Variants in PDE4D observed in about 807,000 individuals in gnomAD.
PDE4D encodes phosphodiesterase 4D.
PDE4D carries 24 observed loss-of-function variants against 87.4 expected under a neutral mutation model. That is an observed-to-expected ratio of 0.27 (90% CI 0.20 to 0.39). PDE4D has a LOEUF of 0.39. PDE4D is among the 10% of genes least tolerant of loss of function. The probability of loss-of-function intolerance (pLI) is 1.00; values close to 1 mark genes in which losing one functional copy is unlikely to be tolerated. For missense variants in PDE4D, 714 were observed against 1,041.0 expected, an observed-to-expected ratio of 0.69 and a Z score of 4.32; for synonymous variants, 384 against 383.2, an observed-to-expected ratio of 1.00 and a Z score of -0.02.
intron 1 of PDE4D, among the ~76,000 whole-genome samples, chr5:60,456,056 T>C (rs566636318): frequency 2.0e-5 from 3 of 152,202 alleles, no homozygotes; most frequent in South Asian, 4.1e-4. Context: ...CCCAAACATC[T>C]AAGATTCATG....
intron 5 of PDE4D, among the ~76,000 whole-genome samples, chr5:59,053,901 G>A (rs1580542873): frequency 6.6e-6 from 1 of 151,760 alleles, no homozygotes; most frequent in African/African-American, 2.4e-5. Context: ...CAGGGACAGA[G>A]TGAGATTCTG....
intron 1 of PDE4D, among the ~76,000 whole-genome samples, chr5:59,431,026 C>T (rs114672209): frequency 2.6e-4 from 39 of 152,130 alleles, no homozygotes; most frequent in African/African-American, 9.1e-4. Flanking sequence ...CATGATAGAA[C>T]TGAACTTAGC....
At chr5:60,478,432 C>T (rs566168351) in intron 1 of PDE4D, among the ~76,000 whole-genome samples, 1 of 152,116 alleles carries the variant, frequency 6.6e-6, no homozygotes, top group Non-Finnish European at 1.5e-5. Context: ...AGTAATTCTC[C>T]TCTAGCCTCA....
intron 1 of PDE4D, among the ~76,000 whole-genome samples, chr5:60,233,562 C>T (rs1022819948): frequency 3.5e-5 from 5 of 144,294 alleles, no homozygotes; most frequent in African/African-American, 1.3e-4. Flanking sequence ...CTAACATTTC[C>T]TTTTTTTTTT....
intron 5 of PDE4D, among the ~76,000 whole-genome samples, chr5:59,128,327 G>A (rs1026070375): frequency 6.6e-6 from 1 of 151,992 alleles, no homozygotes; most frequent in African/African-American, 2.4e-5. Context: ...AATAATCATA[G>A]CTGAATAATA....
intron 2 of PDE4D, among the ~76,000 whole-genome samples, chr5:60,104,225 G>A (rs1257225832): frequency 6.6e-6 from 1 of 152,246 alleles, no homozygotes; most frequent in Non-Finnish European, 1.5e-5. Flanking sequence ...ACATGGCTTG[G>A]AGGGTCCTAC....
chr5:60,235,633 C>T (rs1387516072), intron 1 of PDE4D, among the ~76,000 whole-genome samples: 3 of 151,678 alleles, frequency 2.0e-5, no homozygotes, highest in Admixed American at 6.6e-5. Context: ...TAGTTCAGCC[C>T]TCTCAGTTCA....
intron 2 of PDE4D, among the ~76,000 whole-genome samples, chr5:60,001,347 A>C (rs1763994516): frequency 6.6e-6 from 1 of 152,230 alleles, no homozygotes; most frequent in African/African-American, 2.4e-5. Flanking sequence ...GGAATAATAT[A>C]TTCAAAACAT....
intron 2 of PDE4D, among the ~76,000 whole-genome samples, chr5:60,043,989 T>C (rs1003027757): frequency 3.9e-5 from 6 of 152,210 alleles, no homozygotes; most frequent in South Asian, 2.1e-4. Flanking sequence ...GTAATTCTTA[T>C]CCTTGTCCCT....
intron 1 of PDE4D, among the ~76,000 whole-genome samples, chr5:59,400,560 A>C (rs1490103294): frequency 1.5e-5 from 2 of 130,134 alleles, no homozygotes; most frequent in East Asian, 2.4e-4. Flanking sequence ...AGGAAGGGGA[A>C]CATCACACTC....
At position 59,848,214 on chromosome 5, in the gene PDE4D, C is replaced by T. The variant is rs1056584697; in HGVS notation, c.455+44954G>A. Among the ~76,000 whole-genome samples the T allele has an allele frequency of 4.6e-5, 7 of 151,886 alleles. No individual in the cohort carries two copies. The East Asian group carries it at 1.4e-3, about 29-fold the overall frequency. On this transcript the variant is annotated intron_variant, in intron 1 of 14. Transcript: ENST00000340635. ...AAGACCCTCTAGTGATAGTTTATGC[C>T]TTTGGGATATCTGATAGGTCAAATT...
intron 1 of PDE4D, among the ~76,000 whole-genome samples, chr5:59,254,096 A>G (rs1760506263): frequency 6.6e-6 from 1 of 152,128 alleles, no homozygotes; most frequent in African/African-American, 2.4e-5. Flanking sequence ...GAGAACAAAC[A>G]CAAAGCCCTT....
chr5:60,364,300 T>G (rs1352596930), intron 1 of PDE4D, among the ~76,000 whole-genome samples: 1 of 152,164 alleles, frequency 6.6e-6, no homozygotes, highest in Non-Finnish European at 1.5e-5. Flanking sequence ...CCAGGATCTA[T>G]CAGAAGATCA....
At chr5:60,246,424 T>TA (rs1378309349) in intron 1 of PDE4D, among the ~76,000 whole-genome samples, 1 of 151,754 alleles carries the variant, frequency 6.6e-6, no homozygotes, top group Non-Finnish European at 1.5e-5. Flanking sequence ...CTATGAAACA[T>TA]ATATTGAATC....
chr5:59,831,449 G>C (rs1741230984), intron 1 of PDE4D, among the ~76,000 whole-genome samples: 1 of 151,826 alleles, frequency 6.6e-6, no homozygotes, highest in Non-Finnish European at 1.5e-5. Flanking sequence ...TAACAACAAT[G>C]GTAGTTTGTA....
intron 1 of PDE4D, among the ~76,000 whole-genome samples, chr5:59,740,522 A>G (rs972533037): frequency 1.3e-5 from 2 of 152,242 alleles, no homozygotes; most frequent in Non-Finnish European, 2.9e-5. Context: ...ATTCATAGGC[A>G]GTTTGCTTTT....
At chr5:59,202,144 A>G (rs1581357495) in intron 2 of PDE4D, among the ~76,000 whole-genome samples, 1 of 144,158 alleles carries the variant, frequency 6.9e-6, no homozygotes, top group Admixed American at 7.4e-5. Flanking sequence ...GGTTCACGCC[A>G]TTCTCCTGCC....
At chr5:59,381,372 C>CGAA (rs1785814843) in intron 1 of PDE4D, among the ~76,000 whole-genome samples, 1 of 152,066 alleles carries the variant, frequency 6.6e-6, no homozygotes, top group Non-Finnish European at 1.5e-5. Context: ...GAACTTCTTC[C>CGAA]TCCTTTGCTA....
intron 1 of PDE4D, among the ~76,000 whole-genome samples, chr5:59,560,534 T>C (rs1294539135): frequency 6.6e-6 from 1 of 152,148 alleles, no homozygotes; most frequent in Non-Finnish European, 1.5e-5. Flanking sequence ...TCATCTTTAG[T>C]GGGGAGAAAA....
Sources: allele counts gnomAD v4.1 joint callset (sites outside exome capture counted in the v4.1 genomes callset), GRCh38; gene constraint gnomAD v4.1.1; transcripts MANE v1.5; gene names NCBI Gene and HGNC (gene_info 2026-07-23, HGNC 2026-07-21).